Variants in PTCH1 observed in about 807,000 individuals in gnomAD.
PTCH1 encodes protein patched homolog 1.
Under a neutral mutation model 144.6 loss-of-function variants are expected in PTCH1, and 14 were observed. That is an observed-to-expected ratio of 0.10 (90% confidence interval 0.06 to 0.15). PTCH1 has a LOEUF of 0.15. PTCH1 is among the 10% of genes least tolerant of loss of function. The probability of loss-of-function intolerance (pLI) is 1.00; values close to 1 mark genes in which losing one functional copy is unlikely to be tolerated. For missense variants in PTCH1, 1,623 were observed against 1,948.3 expected (o/e 0.83, Z 3.14); for synonymous variants, 833 against 793.6 (o/e 1.05, Z -0.83).
chr9:95,458,343 C>T lies in PTCH1; in HGVS notation c.2888-50G>A. ...GGAGCAGCCCAGGGTAGAAGAGCAT[C>T]ACAGTTTCAATGGAAAGAGAGAAGA... On this transcript the variant is annotated intron_variant, in intron 17 of 23. Transcript: ENST00000331920. The surrounding 1 kb of genome is among the most constrained non-coding windows in gnomAD (Gnocchi z 4.7). 6.3e-7 allele frequency: 1 copy of T among 1,593,406 alleles called. No individual in the cohort carries two copies. Among genetic ancestry groups the T allele is most frequent in the Non-Finnish European group, 8.6e-7 (1 of 1,168,414 alleles).
At chr9:95,494,284 T>G in intron 2 of PTCH1, 1 of 985,458 alleles carries the variant, frequency 1.0e-6, no homozygotes, top group South Asian at 4.7e-5. Context: ...TCAGATGCAA[T>G]CAGGTCAGCC....
chr9:95,508,639 C>T lies in PTCH1; in HGVS notation c.-278G>A, dbSNP rs970119162. ...CGCGGGGGTCCCGAGGTCTCTGCGG[C>T]CGCCGCTGCCCACATCCAGTTCGCG... On this transcript the variant is annotated 5_prime_UTR_variant, in exon 1 of 24. Coordinates refer to ENST00000331920, the MANE Select transcript of PTCH1 (RefSeq NM_000264.5). 5.1e-6 allele frequency: 5 copies of T among 989,338 alleles called. No individual in the cohort carries two copies. In the African/African-American group the frequency reaches 8.7e-5, roughly 17 times the overall value. The allele number at this position is 989,338 out of a possible 1,614,324, so 61.3% of individuals were successfully genotyped here.
chr9:95,477,500 C>T (rs1192782724), intron 10 of PTCH1, 47 bp downstream of exon 10: 3 of 1,613,386 alleles, frequency 1.9e-6, no homozygotes, highest in Non-Finnish European at 2.5e-6. Flanking sequence ...GCCTGGGGGC[C>T]GGGTGGCATT....
intron 2 of PTCH1, among the ~76,000 whole-genome samples, chr9:95,487,250 G>A (rs1842041472): frequency 6.6e-6 from 1 of 152,220 alleles, no homozygotes; most frequent in Admixed American, 6.5e-5. Flanking sequence ...GTGAGGTGAG[G>A]TTTAACATAC....
chr9:95,480,856 ATATT>A (rs1265286718), intron 5 of PTCH1, among the ~76,000 whole-genome samples: 1 of 152,232 alleles, frequency 6.6e-6, no homozygotes, highest in Non-Finnish European at 1.5e-5. Flanking sequence ...CTGATATTGT[ATATT>A]TAATATCTAC....
exon 1 of PTCH1, chr9:95,516,609 C>G: frequency 6.2e-7 from 1 of 1,602,708 alleles, no homozygotes; most frequent in Non-Finnish European, 8.5e-7. Flanking sequence ...AGTCTTCCCT[C>G]GTCTCCCCCT....
At position 95,508,304 on chromosome 9, in the gene PTCH1, A is replaced by T. The variant is rs1843905982; in HGVS notation, c.58T>A (p.Cys20Ser). 2 of 1,420,682 alleles carry T rather than the reference A, an allele frequency of 1.4e-6. No homozygotes were observed. The highest frequency in any genetic ancestry group is 9.1e-7 in the Non-Finnish European group (1 of 1,093,956). 88.0% of individuals were successfully genotyped at this position (1,420,682 alleles called of 1,614,324 possible). A position where few individuals can be genotyped will look rare whatever the true frequency, so the allele number is the denominator to read the frequency against. The change falls in exon 1 of 24, where the codon TGT becomes AGT. Residue 20 changes from cysteine (C) to serine (S), a missense_variant. Coordinates refer to ENST00000331920, the MANE Select transcript of PTCH1 (RefSeq NM_000264.5). Reference protein sequence around the residue: ...PQDRGGGGSGCIGAPGRPAGG... With the variant: ...PQDRGGGGSGSIGAPGRPAGG... ...GCCGGCCGTCCCGGGGCACCGATAC[A>T]GCCGCTGCCGCCGCCGCCGCGGTCC...
rs1011317950 is a variant in PTCH1 at position 95,449,734 on chromosome 9, G to A, written c.3549+107C>T. On this transcript the variant is annotated intron_variant, in intron 21 of 23. Transcript: ENST00000331920. This position sits in a 1 kb window ranked among gnomAD's most constrained non-coding sequence, Gnocchi z 5.3. ...ACATGACTCTGAGATGTTTACTGAA[G>A]AACCACCAGCAAGTGGGGAGGCACC... 2 of 1,046,970 alleles carry A rather than the reference G, an allele frequency of 1.9e-6. No homozygotes were observed. The highest frequency in any genetic ancestry group is 2.0e-5 in the Admixed American group (1 of 51,194). The allele number at this position is 1,046,970 out of a possible 1,614,324, so 64.9% of individuals were successfully genotyped here.
chr9:95,459,275 T>C (rs1274274566), intron 17 of PTCH1, among the ~76,000 whole-genome samples: 2 of 152,184 alleles, frequency 1.3e-5, no homozygotes, highest in Non-Finnish European at 2.9e-5. Context: ...GATAAAACTC[T>C]GCAATAGTAA....
intron 2 of PTCH1, among the ~76,000 whole-genome samples, chr9:95,488,143 AT>A (rs1842112194): frequency 6.6e-6 from 1 of 152,200 alleles, no homozygotes; most frequent in Non-Finnish European, 1.5e-5. Context: ...TGTTTCAGAA[AT>A]GGCATTTATT....
chr9:95,461,204 A>C (rs1420223162), intron 16 of PTCH1, among the ~76,000 whole-genome samples: 1 of 152,144 alleles, frequency 6.6e-6, no homozygotes, highest in South Asian at 2.1e-4. Context: ...GGCAGCAAGA[A>C]GATGCAAACA....
chr9:95,511,640 T>G (rs1205708391), upstream of PTCH1, among the ~76,000 whole-genome samples: 1 of 152,216 alleles, frequency 6.6e-6, no homozygotes. Flanking sequence ...AAAATGACAC[T>G]GAGTTGATAA....
intron 2 of PTCH1, among the ~76,000 whole-genome samples, chr9:95,491,231 T>C (rs1265952466): frequency 2.0e-5 from 3 of 152,336 alleles, no homozygotes; most frequent in East Asian, 3.9e-4. Flanking sequence ...ATTTTGATCA[T>C]TGCTGCTCCT....
chr9:95,511,261 C>T (rs1406713328), upstream of PTCH1, among the ~76,000 whole-genome samples: 2 of 151,892 alleles, frequency 1.3e-5, no homozygotes, highest in Non-Finnish European at 2.9e-5. Context: ...TTCCCCTCCC[C>T]GCTTCCTTCC....
At chr9:95,512,465 T>C (rs1221107898), upstream of PTCH1, among the ~76,000 whole-genome samples, 1 of 150,690 alleles carries the variant, frequency 6.6e-6, no homozygotes, top group Non-Finnish European at 1.5e-5. Flanking sequence ...CTTGTTTCTG[T>C]AACGTTTTAA....
At chr9:95,468,478 A>G (rs1840238146) in intron 14 of PTCH1, among the ~76,000 whole-genome samples, 1 of 152,204 alleles carries the variant, frequency 6.6e-6, no homozygotes. Flanking sequence ...GTTAACAGGC[A>G]TGAGCCACCG....
chr9:95,510,281 G>C (rs1173331155), upstream of PTCH1, among the ~76,000 whole-genome samples: 1 of 151,992 alleles, frequency 6.6e-6, no homozygotes, highest in East Asian at 1.9e-4. Context: ...ACAAAACTCG[G>C]TATGCATGTT....
In PTCH1 at chr9:95,471,366, TC is replaced by T. The variant is rs536897252; in HGVS notation, c.1729-1436del. ...TCTTCTAAAAACTACCTAACCTCTT[TC>T]TTCTTGGTCTATCTTGAAAATCCTT... On this transcript the variant is annotated intron_variant, in intron 12 of 23. Coordinates refer to ENST00000331920, the MANE Select transcript of PTCH1 (RefSeq NM_000264.5). Among the ~76,000 whole-genome samples the T allele has an allele frequency of 2.3e-3, 350 of 152,308 alleles. 1 individual carries two copies. Among genetic ancestry groups the T allele is most frequent in the Non-Finnish European group, 3.6e-3 (245 of 68,026 alleles).
chr9:95,476,984 T>A lies in PTCH1; in HGVS notation c.1504-127A>T. On this transcript the variant is annotated intron_variant, in intron 10 of 23. Transcript: ENST00000331920. This position sits in a 1 kb window ranked among gnomAD's most constrained non-coding sequence, Gnocchi z 4.6. ...AAGCAGGGCTTCCGTAACCTCATGG[T>A]GAAGAATTCACTTGACGTCCCAAAG... The A allele has an allele frequency of 1.1e-6, 1 of 872,332 alleles. No individual in the cohort carries two copies. Among genetic ancestry groups the A allele is most frequent in the Non-Finnish European group, 1.9e-6 (1 of 529,662 alleles). The allele number at this position is 872,332 out of a possible 1,614,324, so 54.0% of individuals were successfully genotyped here. A position where few individuals can be genotyped will look rare whatever the true frequency, so the allele number is the denominator to read the frequency against.
Sources: allele counts gnomAD v4.1 joint callset (sites outside exome capture counted in the v4.1 genomes callset), GRCh38; gene constraint gnomAD v4.1.1; non-coding constraint Gnocchi (gnomAD v3.1); transcripts MANE v1.5; gene names NCBI Gene and HGNC (gene_info 2026-07-23, HGNC 2026-07-21).